RALGPS1: variants seen among roughly 807,000 people sequenced by gnomAD.
RALGPS1 encodes ras-specific guanine nucleotide-releasing factor RalGPS1.
Under a neutral mutation model 78.8 loss-of-function variants are expected in RALGPS1, and 19 were observed. That is an observed-to-expected ratio of 0.24 (90% CI 0.17 to 0.35). The LOEUF is 0.35. RALGPS1 is among the 10% of genes least tolerant of loss of function. The pLI, the probability that RALGPS1 is intolerant of heterozygous loss-of-function variation, is 1.00. For synonymous variants in RALGPS1, 228 were observed against 256.3 expected, an observed-to-expected ratio of 0.89 and a Z score of 1.06; for missense variants, 454 against 688.3, an observed-to-expected ratio of 0.66 and a Z score of 3.81.
chr9:127,174,153 A>T (rs951041239), intron 10 of RALGPS1, among the ~76,000 whole-genome samples: 2 of 151,990 alleles, frequency 1.3e-5, no homozygotes, highest in African/African-American at 4.8e-5. Flanking sequence ...CCAGCCAGCT[A>T]CTTGGGAGGC....
intron 8 of RALGPS1, among the ~76,000 whole-genome samples, chr9:127,105,646 C>T (rs997198785): frequency 6.6e-6 from 1 of 152,222 alleles, no homozygotes; most frequent in Non-Finnish European, 1.5e-5. Context: ...TCAGACAGCC[C>T]AGTTTTCACT....
intron 4 of RALGPS1, among the ~76,000 whole-genome samples, chr9:126,982,049 C>A (rs1384975101): frequency 6.6e-6 from 1 of 152,202 alleles, no homozygotes; most frequent in Non-Finnish European, 1.5e-5. Context: ...CACTGAGTGT[C>A]CTCATGGCAT....
At chr9:127,179,683 T>C (rs1376438792) in intron 11 of RALGPS1, among the ~76,000 whole-genome samples, 1 of 152,180 alleles carries the variant, frequency 6.6e-6, no homozygotes. Context: ...CACATTTTAG[T>C]CGGGGAACCA....
At chr9:127,086,066 T>C (rs1286185519) in intron 8 of RALGPS1, among the ~76,000 whole-genome samples, 1 of 152,122 alleles carries the variant, frequency 6.6e-6, no homozygotes, top group Non-Finnish European at 1.5e-5. Flanking sequence ...CTGAGAATAA[T>C]GATCCCTCCT....
intron 4 of RALGPS1, among the ~76,000 whole-genome samples, chr9:126,981,259 C>T (rs962375102): frequency 6.6e-6 from 1 of 152,184 alleles, no homozygotes; most frequent in Non-Finnish European, 1.5e-5. Flanking sequence ...AAGAATGTTC[C>T]AGGTTGTGGG....
At chr9:126,944,455 A>G (rs896000015) in intron 1 of RALGPS1, among the ~76,000 whole-genome samples, 7 of 151,958 alleles carry the variant, frequency 4.6e-5, no homozygotes, top group African/African-American at 1.7e-4. Flanking sequence ...GCCCACACGT[A>G]ACAGGTGTAA....
In RALGPS1 at chr9:127,219,706, A is replaced by G. The variant is rs2062724067; in HGVS notation, c.*937A>G. 6.6e-6 allele frequency: 1 copy of G among 152,646 alleles called. No homozygotes were observed. Among genetic ancestry groups the G allele is most frequent in the Admixed American group, 6.5e-5 (1 of 15,286 alleles). The allele number at this position is 152,646 out of a possible 1,614,324, so 9.5% of individuals were successfully genotyped here. Reference sequence around the variant, plus strand: ...CGTTGCAGCTCCAACCGACGTGCTCATAGTGATCAGCTGTGCAGGAGCCAT... The same window carrying G: ...CGTTGCAGCTCCAACCGACGTGCTCGTAGTGATCAGCTGTGCAGGAGCCAT... On this transcript the variant is annotated 3_prime_UTR_variant, in exon 19 of 19. Coordinates refer to ENST00000259351, the MANE Select transcript of RALGPS1 (RefSeq NM_014636.3). The surrounding 1 kb of genome is among the most constrained non-coding windows in gnomAD (Gnocchi z 5.0).
intron 4 of RALGPS1, among the ~76,000 whole-genome samples, chr9:127,010,152 A>G (rs570515196): frequency 2.0e-5 from 3 of 152,266 alleles, no homozygotes; most frequent in African/African-American, 7.2e-5. Context: ...GAATTTGGCC[A>G]TCCTCACGGG....
chr9:127,090,357 G>A (rs1359033681), intron 8 of RALGPS1, among the ~76,000 whole-genome samples: 1 of 152,236 alleles, frequency 6.6e-6, no homozygotes, highest in African/African-American at 2.4e-5. Flanking sequence ...AGCTCTGAAG[G>A]TTATCCTTCT....
At chr9:127,198,435 G>T (rs1158467949) in intron 13 of RALGPS1, among the ~76,000 whole-genome samples, 2 of 152,220 alleles carry the variant, frequency 1.3e-5, no homozygotes, top group Non-Finnish European at 2.9e-5. Context: ...GAGAGCCCGG[G>T]AGAAGCAGGG....
chr9:127,184,285 G>A (rs77965301), intron 11 of RALGPS1: 18 of 430,704 alleles, frequency 4.2e-5, no homozygotes, highest in South Asian at 2.2e-4. Flanking sequence ...GCGCCACCGC[G>A]CTCCAGCTTG....
intron 8 of RALGPS1, among the ~76,000 whole-genome samples, chr9:127,118,866 G>A (rs893019326): frequency 1.3e-5 from 2 of 152,168 alleles, no homozygotes; most frequent in Non-Finnish European, 2.9e-5. Flanking sequence ...TGTCTGTTAT[G>A]TTTGTTCTAT....
At chr9:127,014,018 C>A (rs2044596632) in intron 4 of RALGPS1, among the ~76,000 whole-genome samples, 1 of 152,234 alleles carries the variant, frequency 6.6e-6, no homozygotes, top group South Asian at 2.1e-4. Context: ...CTTGTCACTG[C>A]TGTGTCCTCC....
At chr9:127,057,811 G>A (rs1454280408) in intron 7 of RALGPS1, among the ~76,000 whole-genome samples, 1 of 152,218 alleles carries the variant, frequency 6.6e-6, no homozygotes, top group Non-Finnish European at 1.5e-5. Flanking sequence ...GGGCTTTCAT[G>A]TTGGGGAGAA....
intron 1 of RALGPS1, among the ~76,000 whole-genome samples, chr9:126,923,205 G>A (rs1426625407): frequency 6.6e-6 from 1 of 152,176 alleles, no homozygotes; most frequent in Non-Finnish European, 1.5e-5. Flanking sequence ...CACTTAAAAA[G>A]GTCTCTTCAC....
At chr9:127,016,823 C>A in intron 4 of RALGPS1, 1 of 152,340 alleles carries the variant, frequency 6.6e-6, no homozygotes. Context: ...CACTCCAGCC[C>A]TTATTGATGG....
chr9:127,038,363 A>G (rs1267521717), intron 5 of RALGPS1, among the ~76,000 whole-genome samples: 1 of 152,228 alleles, frequency 6.6e-6, no homozygotes, highest in East Asian at 1.9e-4. Context: ...CAACTTGCTC[A>G]AATTTACATA....
In RALGPS1 at chr9:127,188,832, T is replaced by TAAAAAAAA. The variant is rs202172226; in HGVS notation, c.911-6249_911-6242dup. On this transcript the variant is annotated intron_variant, in intron 11 of 18. Coordinates refer to ENST00000259351, the MANE Select transcript of RALGPS1 (RefSeq NM_014636.3). ...AAAGACTAAGAAACCCCATCTCTAC[T>TAAAAAAAA]AAAAAAAAAAAAAAAAATGTAGCCA... Among the ~76,000 whole-genome samples the TAAAAAAAA allele has an allele frequency of 5.5e-4, 48 of 87,466 alleles. 1 individual carries two copies. Among genetic ancestry groups the TAAAAAAAA allele is most frequent in the African/African-American group, 2.0e-3 (47 of 23,358 alleles). 57.4% of individuals were successfully genotyped at this position (87,466 alleles called of 152,430 possible).
intron 5 of RALGPS1, among the ~76,000 whole-genome samples, chr9:127,036,939 G>C (rs549726507): frequency 6.6e-6 from 1 of 152,156 alleles, no homozygotes; most frequent in Non-Finnish European, 1.5e-5. Flanking sequence ...ATGGGTCTGC[G>C]GACAATAGAC....
Sources: gnomAD v4.1 joint callset for allele counts (sites outside exome capture counted in the v4.1 genomes callset) on GRCh38, gnomAD v4.1.1 for gene constraint, Gnocchi (gnomAD v3.1) non-coding constraint, MANE v1.5 for transcripts, NCBI Gene and HGNC (gene_info 2026-07-23, HGNC 2026-07-21) for gene names.